The following PTGER3 variants were observed in gnomAD, a reference collection of about 807,000 sequenced individuals.
PTGER3 encodes prostaglandin E2 receptor EP3 subtype.
PTGER3 carries 22 observed loss-of-function variants against 34.7 expected under a neutral mutation model. That is an observed-to-expected ratio of 0.63 (90% CI 0.45 to 0.91). PTGER3 has a LOEUF of 0.91. Among genes scored for constraint, PTGER3 ranks in the 40% least tolerant of loss-of-function variants. The pLI, the probability that PTGER3 is intolerant of heterozygous loss-of-function variation, is 0.00. For missense variants in PTGER3, 468 were observed against 519.4 expected (o/e 0.90, Z 0.96); for synonymous variants, 241 against 230.1 (o/e 1.05, Z -0.43).
At chr1:70,861,166 T>C (rs1313641031) in intron 4 of PTGER3, among the ~76,000 whole-genome samples, 1 of 152,108 alleles carries the variant, frequency 6.6e-6, no homozygotes, top group East Asian at 1.9e-4. Context: ...ATAAAGCAAA[T>C]ATGTTACAGG....
At chr1:70,988,645 T>A (rs1428133512) in intron 2 of PTGER3, among the ~76,000 whole-genome samples, 1 of 152,184 alleles carries the variant, frequency 6.6e-6, no homozygotes, top group African/African-American at 2.4e-5. Context: ...CAATCTCTGA[T>A]AACCAGGAAG....
exon 4 of PTGER3, chr1:70,952,958 G>A (rs536644930): frequency 8.1e-6 from 13 of 1,613,004 alleles, no homozygotes; most frequent in Middle Eastern, 1.7e-4. Flanking sequence ...TGCTGCTCAC[G>A]AGTACCTCCA....
chr1:70,940,220 C>T (rs1649627263), intron 4 of PTGER3, among the ~76,000 whole-genome samples: 1 of 152,216 alleles, frequency 6.6e-6, no homozygotes, highest in Admixed American at 6.5e-5. Flanking sequence ...CCAACAACTT[C>T]CTCACCTCCA....
chr1:71,026,829 A>C (rs1270702273), intron 1 of PTGER3, among the ~76,000 whole-genome samples: 1 of 152,120 alleles, frequency 6.6e-6, no homozygotes, highest in Admixed American at 6.6e-5. Flanking sequence ...ATTTTGGATA[A>C]CTTTTTCTCT....
intron 4 of PTGER3, among the ~76,000 whole-genome samples, chr1:70,902,919 C>T (rs887570421): frequency 6.6e-6 from 1 of 152,104 alleles, no homozygotes; most frequent in African/African-American, 2.4e-5. Flanking sequence ...AAAAGATATG[C>T]CTCATGTCCT....
Position 70,970,989 on chromosome 1 carries a change from C to A in PTGER3, c.*741G>T, listed in dbSNP as rs940281541. The A allele has an allele frequency of 4.1e-6, 4 of 985,284 alleles. No individual in the cohort carries two copies. Among genetic ancestry groups the A allele is most frequent in the Non-Finnish European group, 4.8e-6 (4 of 829,896 alleles). 61.0% of individuals were successfully genotyped at this position (985,284 alleles called of 1,614,324 possible). On this transcript the variant is annotated 3_prime_UTR_variant, in exon 4 of 4. Transcript: ENST00000306666. ...CTGGATTTTTTTATCACTCTAACTGCGCAGCTAATCATTCAACCTCAAATT... is the reference window on the plus strand; with the variant it reads ...CTGGATTTTTTTATCACTCTAACTGAGCAGCTAATCATTCAACCTCAAATT...
At chr1:70,928,733 T>C (rs1291106442) in intron 4 of PTGER3, among the ~76,000 whole-genome samples, 1 of 152,204 alleles carries the variant, frequency 6.6e-6, no homozygotes, top group Non-Finnish European at 1.5e-5. Context: ...TTTCTTCAAA[T>C]GCTCTGTATT....
intron 4 of PTGER3, among the ~76,000 whole-genome samples, chr1:70,882,682 G>A (rs987291283): frequency 1.3e-5 from 2 of 152,284 alleles, no homozygotes; most frequent in Middle Eastern, 3.4e-3. Context: ...AGCGTGGGGG[G>A]CCAGAGGGAT....
chr1:70,894,830 T>G (rs1646692395), intron 4 of PTGER3, among the ~76,000 whole-genome samples: 1 of 152,186 alleles, frequency 6.6e-6, no homozygotes, highest in Non-Finnish European at 1.5e-5. Flanking sequence ...CCAGGGAGTT[T>G]AAGTATTGTG....
chr1:70,983,180 G>A (rs1028396066), intron 2 of PTGER3, among the ~76,000 whole-genome samples: 1 of 151,920 alleles, frequency 6.6e-6, no homozygotes, highest in Non-Finnish European at 1.5e-5. Flanking sequence ...AGACCTGTCA[G>A]GTGACAGCCA....
intron 4 of PTGER3, among the ~76,000 whole-genome samples, chr1:70,858,744 T>C (rs913719023): frequency 1.3e-5 from 2 of 152,230 alleles, no homozygotes; most frequent in African/African-American, 2.4e-5. Context: ...GTTCTTTCTC[T>C]GAGTACCTGA....
chr1:71,040,577 T>C (rs1660229334), intron 1 of PTGER3, among the ~76,000 whole-genome samples: 1 of 151,790 alleles, frequency 6.6e-6, no homozygotes, highest in Non-Finnish European at 1.5e-5. Flanking sequence ...GCCAATGCAC[T>C]CCAGCCTAGG....
downstream of PTGER3, among the ~76,000 whole-genome samples, chr1:70,952,129 G>A (rs79727162): frequency 0.13 from 19,061 of 152,044 alleles, 1,807 homozygotes; most frequent in African/African-American, 0.25. Context: ...GTCTAGCTGA[G>A]AAATTAGTTT....
chr1:71,029,781 C>G (rs928292564), intron 1 of PTGER3, among the ~76,000 whole-genome samples: 1 of 151,916 alleles, frequency 6.6e-6, no homozygotes, highest in African/African-American at 2.4e-5. Flanking sequence ...CAAAAATTAG[C>G]TGGGTGTGTT....
chr1:70,883,169 A>G (rs1213158395), intron 4 of PTGER3, among the ~76,000 whole-genome samples: 1 of 152,176 alleles, frequency 6.6e-6, no homozygotes, highest in Non-Finnish European at 1.5e-5. Context: ...GCACAGTTGA[A>G]ACTTGTTGAA....
intron 2 of PTGER3, among the ~76,000 whole-genome samples, chr1:70,961,502 G>T (rs1185642705): frequency 2.0e-5 from 3 of 152,086 alleles, no homozygotes; most frequent in African/African-American, 7.2e-5. Context: ...AACTGGCCCT[G>T]GTATCATGAT....
At chr1:70,963,310 G>T (rs368731873) in intron 2 of PTGER3, among the ~76,000 whole-genome samples, 11 of 152,138 alleles carry the variant, frequency 7.2e-5, no homozygotes, top group African/African-American at 2.7e-4. Context: ...GGGGTCTGCA[G>T]GATGGGAGCC....
At chr1:70,981,328 TTTCTTTCTTTCTTTC>T (rs1654276251) in intron 2 of PTGER3, among the ~76,000 whole-genome samples, 1 of 51,448 alleles carries the variant, frequency 1.9e-5, no homozygotes, top group Non-Finnish European at 3.7e-5. Context: ...TTCTTCTTTC[TTTCTTTCTTTCTTTC>T]TTTCTTTCTT....
At chr1:70,864,673 A>G (rs1646002318) in intron 4 of PTGER3, among the ~76,000 whole-genome samples, 1 of 152,232 alleles carries the variant, frequency 6.6e-6, no homozygotes, top group Admixed American at 6.5e-5. Flanking sequence ...GTTGGCAATC[A>G]TCAAATTCTT....
Sources: allele counts gnomAD v4.1 joint callset (sites outside exome capture counted in the v4.1 genomes callset), GRCh38; gene constraint gnomAD v4.1.1; transcripts MANE v1.5; gene names NCBI Gene and HGNC (gene_info 2026-07-23, HGNC 2026-07-21).